Variants in ACSL5 observed in about 807,000 individuals in gnomAD.
The protein encoded by ACSL5 is long-chain-fatty-acid--CoA ligase 5.
In ACSL5, 50 loss-of-function variants were observed where a neutral mutation model predicts 84.9. That is an observed-to-expected ratio of 0.59 (90% CI 0.47 to 0.75). The LOEUF is 0.75. ACSL5 is among the 30% of genes least tolerant of loss of function. The pLI is 0.00. For synonymous variants in ACSL5, 280 were observed against 300.7 expected, an observed-to-expected ratio of 0.93 and a Z score of 0.71; for missense variants, 775 against 830.4, an observed-to-expected ratio of 0.93 and a Z score of 0.82.
chr10:112,378,057 G>C (rs952783237), intron 1 of ACSL5, among the ~76,000 whole-genome samples: 1 of 152,064 alleles, frequency 6.6e-6, no homozygotes, highest in Admixed American at 6.6e-5. Context: ...CAACATCAGC[G>C]TGTCATTGCA....
At chr10:112,412,932 C>T (rs1687648300) in intron 11 of ACSL5, among the ~76,000 whole-genome samples, 1 of 152,118 alleles carries the variant, frequency 6.6e-6, no homozygotes, top group Non-Finnish European at 1.5e-5. Context: ...TGTCATGCCA[C>T]CACAACAGAA....
In ACSL5 at chr10:112,411,929, G is replaced by A. The variant is rs1195691896; in HGVS notation, c.898G>A (p.Val300Met). ...EHAYEPTPDD[V>M]AISYLPLAHM... Reference sequence around the variant, plus strand: ...TGCTTATGAGCCCACTCCTGATGATGTGGCCATATCCTACCTCCCTCTGGC... The same window carrying A: ...TGCTTATGAGCCCACTCCTGATGATATGGCCATATCCTACCTCCCTCTGGC... Residue 300 changes from valine (V) to methionine (M), a missense_variant, in exon 11 of 21, where the codon GTG (valine) becomes ATG (methionine). Physicochemically the swap from Val to Met is conservative, Grantham distance 21 (BLOSUM62 1). Coordinates refer to ENST00000354655, the MANE Select transcript of ACSL5 (RefSeq NM_203379.2). 1 of 1,614,052 alleles carries A rather than the reference G, an allele frequency of 6.2e-7. No homozygotes were observed. Among genetic ancestry groups the A allele is most frequent in the Non-Finnish European group, 8.5e-7 (1 of 1,179,926 alleles).
rs1172412018 is a variant in ACSL5, at chr10:112,427,298, A to G, written c.1992A>G (p.Gly664=). 6.2e-7 allele frequency: 1 copy of G among 1,613,888 alleles called. No homozygotes were observed. Among genetic ancestry groups the G allele is most frequent in the Non-Finnish European group, 8.5e-7 (1 of 1,179,846 alleles). The change falls in exon 21 of 21, where the codon GGA becomes GGG. Residue 664 remains glycine, a synonymous_variant. Coordinates refer to ENST00000354655, the MANE Select transcript of ACSL5 (RefSeq NM_203379.2). ...LLTPTLKAKR[G]ELSKYFRTQI... ...CACCAACATTGAAAGCAAAGCGAGG[A>G]GAGCTTTCCAAATACTTTCGGACCC...
intron 5 of ACSL5, chr10:112,406,799 G>A (rs1844049490): frequency 6.6e-6 from 1 of 152,258 alleles, no homozygotes; most frequent in South Asian, 2.1e-4. Context: ...ATGGTGGCAG[G>A]AAAGAAAAGA....
intron 1 of ACSL5, among the ~76,000 whole-genome samples, chr10:112,392,554 A>G (rs1257219676): frequency 6.6e-6 from 1 of 152,132 alleles, no homozygotes; most frequent in Non-Finnish European, 1.5e-5. Flanking sequence ...ATCCTGGCCA[A>G]CATAGTGAAA....
At chr10:112,420,532 G>T (rs966250020) in intron 14 of ACSL5, among the ~76,000 whole-genome samples, 3 of 152,042 alleles carry the variant, frequency 2.0e-5, no homozygotes, top group Non-Finnish European at 2.9e-5. Context: ...GATAAAGTTT[G>T]CCCACCCTTG....
rs759262659 is a variant in ACSL5 at position 112,422,053 on chromosome 10, T to C, written c.1476+18T>C. ...AAGGAGAGGTGGGTAGGTCATGCCC[T>C]GTGGTCAGACAGTCATGGTGGGGAG... On this transcript the variant is annotated intron_variant, in intron 16 of 20. Transcript: ENST00000354655. 11 of 1,611,946 alleles carry C rather than the reference T, an allele frequency of 6.8e-6. No homozygotes were observed. The highest frequency in any genetic ancestry group is 1.3e-5 in the African/African-American group (1 of 74,888).
At chr10:112,416,050 ACT>A (rs1214103662) in intron 12 of ACSL5, among the ~76,000 whole-genome samples, 1 of 151,820 alleles carries the variant, frequency 6.6e-6, no homozygotes, top group Non-Finnish European at 1.5e-5. Flanking sequence ...AAGGTAGGAA[ACT>A]CTGTTGGGGT....
chr10:112,412,641 G>A (rs1489987526), intron 11 of ACSL5: 1 of 152,786 alleles, frequency 6.5e-6, no homozygotes, highest in Non-Finnish European at 1.5e-5. Context: ...CAAGCTCATG[G>A]TTGATGCCTA....
intron 1 of ACSL5, among the ~76,000 whole-genome samples, chr10:112,379,373 C>G (rs557202890): frequency 4.3e-4 from 64 of 149,732 alleles, no homozygotes; most frequent in African/African-American, 1.5e-3. Context: ...CCACTGCACT[C>G]CAGCCTGGGT....
At chr10:112,427,008 T>TA (rs1844751576) in intron 20 of ACSL5, 149 bp downstream of exon 20, 1 of 852,238 alleles carries the variant, frequency 1.2e-6, no homozygotes, top group Admixed American at 2.6e-5. Context: ...TAGTTACTTG[T>TA]ACAGCGCCCT....
Position 112,427,425 on chromosome 10 carries a change from T to C in ACSL5, c.*67T>C. On this transcript the variant is annotated 3_prime_UTR_variant, in exon 21 of 21. Coordinates refer to ENST00000354655, the MANE Select transcript of ACSL5 (RefSeq NM_203379.2). Reference sequence around the variant, plus strand: ...TGTGAGAAAATGGATTAAAAACTATTCTTACATTTGTTTTGCCTTTCCTCC... The same window carrying C: ...TGTGAGAAAATGGATTAAAAACTATCCTTACATTTGTTTTGCCTTTCCTCC... 6.9e-7 allele frequency: 1 copy of C among 1,444,074 alleles called. No homozygotes were observed. The highest frequency in any genetic ancestry group is 9.2e-7 in the Non-Finnish European group (1 of 1,081,320). 89.5% of individuals were successfully genotyped at this position (1,444,074 alleles called of 1,614,324 possible).
intron 5 of ACSL5, 73 bp from the exon 6 acceptor site, chr10:112,408,349 T>G (rs1844097888): frequency 1.0e-6 from 1 of 964,468 alleles, no homozygotes; most frequent in Non-Finnish European, 1.6e-6. Context: ...CAGACAGCAT[T>G]TGTTGGCTGA....
chr10:112,401,195 A>G (rs1843879867), intron 3 of ACSL5, among the ~76,000 whole-genome samples: 1 of 152,128 alleles, frequency 6.6e-6, no homozygotes, highest in South Asian at 2.1e-4. Flanking sequence ...CAGCCTGGGT[A>G]ACAGAGGGAC....
intron 1 of ACSL5, among the ~76,000 whole-genome samples, chr10:112,384,054 C>T (rs528278428): frequency 1.3e-5 from 2 of 151,902 alleles, no homozygotes; most frequent in South Asian, 4.1e-4. Context: ...ATTAGCCAGG[C>T]ACACACCTGT....
At chr10:112,388,195 C>T (rs2133578231) in intron 1 of ACSL5, among the ~76,000 whole-genome samples, 1 of 152,302 alleles carries the variant, frequency 6.6e-6, no homozygotes, top group South Asian at 2.1e-4. Context: ...CCTCCTTGGC[C>T]TCCCAACGTG....
At position 112,422,951 on chromosome 10, in the gene ACSL5, G is replaced by C. The variant is rs1006613015; in HGVS notation, c.1593+510G>C. Among the ~76,000 whole-genome samples the C allele has an allele frequency of 2.0e-5, 3 of 150,226 alleles. No homozygotes were observed. In the Middle Eastern group the frequency reaches 0.011, roughly 537 times the overall value. On this transcript the variant is annotated intron_variant, in intron 17 of 20. Transcript: ENST00000354655. ...CACCTGTAATCCCAGCACTTTGGGA[G>C]GCCGAGGCGGGCGGATCACAAGGTC...
intron 6 of ACSL5, chr10:112,408,725 A>G (rs1365593178): frequency 7.7e-6 from 4 of 520,614 alleles, no homozygotes; most frequent in Non-Finnish European, 1.4e-5. Flanking sequence ...AGAGATACAC[A>G]CAGAAAGAAG....
chr10:112,380,827 G>A (rs969924253), intron 1 of ACSL5, among the ~76,000 whole-genome samples: 6 of 152,232 alleles, frequency 3.9e-5, no homozygotes, highest in African/African-American at 4.8e-5. Context: ...AGGCTCCCAG[G>A]CTGGAGTGCA....
Sources: allele counts gnomAD v4.1 joint callset (sites outside exome capture counted in the v4.1 genomes callset), GRCh38; gene constraint gnomAD v4.1.1; transcripts MANE v1.5; gene names NCBI Gene and HGNC (gene_info 2026-07-23, HGNC 2026-07-21).